FBXO11: variants seen among roughly 807,000 people sequenced by gnomAD.
FBXO11 encodes the protein F-box only protein 11.
Under a neutral mutation model 117.0 loss-of-function variants are expected in FBXO11, and 13 were observed. The ratio of observed to expected loss-of-function variants is 0.11; its 90% CI spans 0.07 to 0.18. The LOEUF (loss-of-function observed/expected upper bound fraction) is 0.18, where lower values mean the gene tolerates loss of function less well. Among genes scored for constraint, FBXO11 ranks in the 10% least tolerant of loss-of-function variants. The probability of loss-of-function intolerance (pLI) is 1.00; values close to 1 mark genes in which losing one functional copy is unlikely to be tolerated. For missense variants in FBXO11, 767 were observed against 1,164.4 expected (o/e 0.66, Z 4.97); for synonymous variants, 490 against 380.5 (o/e 1.29, Z -3.35).
chr2:47,876,267 T>C (rs1160740051), intron 1 of FBXO11, among the ~76,000 whole-genome samples: 1 of 152,220 alleles, frequency 6.6e-6, no homozygotes, highest in African/African-American at 2.4e-5. Context: ...TTTCTTGTTA[T>C]TGTCTAGAGT....
rs11337552 is a variant in FBXO11, at chr2:47,859,041, C to CA, written c.233-19273dup. The stretch of plus-strand genomic sequence containing the variant: ...GGGCGACTGAGCAAAACTCTGTCTC[C>CA]AAAAAAAAAAAAAAAAAGAAAAGAA... On this transcript the variant is annotated intron_variant, in intron 1 of 22. Transcript: ENST00000403359. 3.9e-3 allele frequency among the ~76,000 whole-genome samples: 398 copies of CA among 103,108 alleles called. 4 individuals carry two copies. The highest frequency in any genetic ancestry group is 8.5e-3 in the Middle Eastern group (2 of 236). 67.6% of individuals were successfully genotyped at this position (103,108 alleles called of 152,430 possible).
Position 47,807,295 on chromosome 2 carries a change from G to GTAGTT in FBXO11, c.*818_*822dup, listed in dbSNP as rs1339815518. The GTAGTT allele has an allele frequency of 4.6e-6, 1 of 217,718 alleles. No individual in the cohort carries two copies. The highest frequency in any genetic ancestry group is 2.3e-5 in the African/African-American group (1 of 44,280). The allele number at this position is 217,718 out of a possible 1,614,324, so 13.5% of individuals were successfully genotyped here. On this transcript the variant is annotated 3_prime_UTR_variant, in exon 23 of 23. Transcript: ENST00000403359. ...CTTTCTAAAGTGTACTTAAAACATA[G>GTAGTT]TAGTTTTTTACCTTTCACAAAACTG...
Position 47,820,371 on chromosome 2 carries a change from C to T in FBXO11, c.1788G>A (p.Gly596=). The T allele has an allele frequency of 6.2e-7, 1 of 1,613,280 alleles. No individual in the cohort carries two copies. Among genetic ancestry groups the T allele is most frequent in the Non-Finnish European group, 8.5e-7 (1 of 1,179,572 alleles). The change falls in exon 14 of 23, where the codon GGG becomes GGA. Residue 596 remains glycine (G), a synonymous_variant. Transcript: ENST00000403359. The part of the protein sequence containing the change: ...HNKIHDGQHG[G]IYVHEKGQGV... ...ATATACATTAACTTACCACATAAAT[C>T]CCACCATGCTGGCCATCATGAATTT...
chr2:47,875,284 G>C (rs919658764), intron 1 of FBXO11, among the ~76,000 whole-genome samples: 6 of 152,092 alleles, frequency 3.9e-5, no homozygotes, highest in Non-Finnish European at 5.9e-5. Context: ...AATATACATA[G>C]TCACATGTGG....
chr2:47,891,171 T>C (rs1677236476), intron 1 of FBXO11, among the ~76,000 whole-genome samples: 1 of 152,160 alleles, frequency 6.6e-6, no homozygotes, highest in Non-Finnish European at 1.5e-5. Context: ...TCTTAACAAA[T>C]GTTTAAGTGT....
In FBXO11 at chr2:47,813,425, ATTTTTT is replaced by A. The variant is rs564540671; in HGVS notation, c.2084-54_2084-49del. The A allele has an allele frequency of 1.6e-3, 622 of 390,004 alleles. 4 individuals carry two copies. The East Asian group carries it at 0.042, about 27-fold the overall frequency. 24.2% of individuals were successfully genotyped at this position (390,004 alleles called of 1,614,324 possible). ...TATCTAGAAGGTATATTTCTTTTTAATTTTTTTTTTTTTTTTTTTTTTTGAGACAGA... is the reference window on the plus strand; with the variant it reads ...TATCTAGAAGGTATATTTCTTTTTAATTTTTTTTTTTTTTTTTGAGACAGA... On this transcript the variant is annotated intron_variant, in intron 17 of 22. Coordinates refer to ENST00000403359, the MANE Select transcript of FBXO11 (RefSeq NM_001190274.2).
At chr2:47,844,747 G>A (rs1232812674) in intron 1 of FBXO11, among the ~76,000 whole-genome samples, 1 of 152,140 alleles carries the variant, frequency 6.6e-6, no homozygotes, top group Non-Finnish European at 1.5e-5. Flanking sequence ...CGTTTCCCTG[G>A]CTCAAGCAAT....
At chr2:47,888,878 T>A (rs1304798173) in intron 1 of FBXO11, among the ~76,000 whole-genome samples, 4 of 152,358 alleles carry the variant, frequency 2.6e-5, no homozygotes, top group African/African-American at 9.6e-5. Context: ...TCTGCTTTTT[T>A]AAAAACAGGT....
intron 1 of FBXO11, among the ~76,000 whole-genome samples, chr2:47,848,578 G>GCA (rs1465344679): frequency 1.3e-5 from 2 of 152,040 alleles, no homozygotes; most frequent in South Asian, 4.1e-4. Flanking sequence ...TATGCTATTT[G>GCA]CACACACATA....
At chr2:47,890,650 A>C (rs377158402) in intron 1 of FBXO11, among the ~76,000 whole-genome samples, 82 of 152,106 alleles carry the variant, frequency 5.4e-4, no homozygotes, top group African/African-American at 1.9e-3. Flanking sequence ...CTAAAAATAC[A>C]AAAAGTCAGC....
chr2:47,869,622 T>C (rs928175571), intron 1 of FBXO11, among the ~76,000 whole-genome samples: 1 of 152,218 alleles, frequency 6.6e-6, no homozygotes, highest in Non-Finnish European at 1.5e-5. Context: ...CCAGCTGAAG[T>C]ACTTGCTGAA....
chr2:47,869,572 A>C (rs1300180401), intron 1 of FBXO11, among the ~76,000 whole-genome samples: 3 of 152,202 alleles, frequency 2.0e-5, no homozygotes, highest in African/African-American at 7.2e-5. Context: ...ACACATCAGG[A>C]ATGAAGGTTT....
chr2:47,841,440 A>G (rs1312312700), intron 1 of FBXO11, among the ~76,000 whole-genome samples: 1 of 152,162 alleles, frequency 6.6e-6, no homozygotes, highest in Non-Finnish European at 1.5e-5. Flanking sequence ...TCACAAAAAC[A>G]ACCAGTAGTG....
At chr2:47,857,954 C>T (rs926701688) in intron 1 of FBXO11, among the ~76,000 whole-genome samples, 24 of 152,126 alleles carry the variant, frequency 1.6e-4, no homozygotes, top group African/African-American at 5.5e-4. Context: ...TATATACACA[C>T]ACACATACAT....
rs550038879 is a variant in FBXO11 at position 47,855,843 on chromosome 2, A to G, written c.233-16074T>C. On this transcript the variant is annotated intron_variant, in intron 1 of 22. Coordinates refer to ENST00000403359, the MANE Select transcript of FBXO11 (RefSeq NM_001190274.2). ...GCGAAACTCCATCTCAAACAGTTCA[A>G]AAAAAAAAAAAGGAATGTTGCCTGG... Among the ~76,000 whole-genome samples the G allele has an allele frequency of 3.4e-5, 5 of 148,836 alleles. No individual in the cohort carries two copies. In the East Asian group the frequency reaches 9.9e-4, roughly 29 times the overall value.
At chr2:47,868,168 A>G (rs1426229986) in intron 1 of FBXO11, among the ~76,000 whole-genome samples, 1 of 151,696 alleles carries the variant, frequency 6.6e-6, no homozygotes, top group African/African-American at 2.4e-5. Context: ...CTGGGATTCC[A>G]GCTATTCAGG....
intron 16 of FBXO11, among the ~76,000 whole-genome samples, chr2:47,818,083 C>A (rs1671133117): frequency 6.6e-6 from 1 of 152,108 alleles, no homozygotes; most frequent in South Asian, 2.1e-4. Context: ...CCATTGCACT[C>A]CAGCCTGGGC....
chr2:47,835,207 A>G lies in FBXO11; in HGVS notation c.718-336T>C, dbSNP rs115450784. ...AGCAGCACACTCTCCTCCCATTGTG[A>G]CAATCAAAAAATGTCTCCCGACATC... On this transcript the variant is annotated intron_variant, in intron 5 of 22. Transcript: ENST00000403359. Among the ~76,000 whole-genome samples, 886 of 152,316 alleles carry G rather than the reference A, an allele frequency of 5.8e-3. 7 individuals carry two copies. Among genetic ancestry groups the G allele is most frequent in the African/African-American group, 0.02 (847 of 41,574 alleles).
At chr2:47,892,143 C>T (rs1376350431) in intron 1 of FBXO11, among the ~76,000 whole-genome samples, 1 of 152,122 alleles carries the variant, frequency 6.6e-6, no homozygotes, top group East Asian at 1.9e-4. Context: ...TCTATTTTTA[C>T]TTTTGTTGCC....
Sources: gnomAD v4.1 joint callset for allele counts (sites outside exome capture counted in the v4.1 genomes callset) on GRCh38, gnomAD v4.1.1 for gene constraint, MANE v1.5 for transcripts, NCBI Gene and HGNC (gene_info 2026-07-23, HGNC 2026-07-21) for gene names.